SLC28A3: variants seen among roughly 807,000 people sequenced by gnomAD.
SLC28A3 encodes concentrative Na(+)-nucleoside cotransporter 3.
Under a neutral mutation model 84.2 loss-of-function variants are expected in SLC28A3, and 68 were observed. That is an observed-to-expected ratio of 0.81 (90% CI 0.66 to 0.99). SLC28A3 has a LOEUF of 0.99. SLC28A3 is among the 50% of genes least tolerant of loss of function. The pLI is 0.00. For missense variants in SLC28A3, 712 were observed against 841.5 expected (o/e 0.85, Z 1.90); for synonymous variants, 267 against 303.6 (o/e 0.88, Z 1.25).
intron 10 of SLC28A3, among the ~76,000 whole-genome samples, chr9:84,291,520 G>C (rs1825221974): frequency 6.6e-6 from 1 of 152,176 alleles, no homozygotes; most frequent in South Asian, 2.1e-4. Flanking sequence ...GTTTTTAGTA[G>C]AGACGGGGTT....
At chr9:84,320,722 G>A (rs886755280) in intron 1 of SLC28A3, among the ~76,000 whole-genome samples, 4 of 152,118 alleles carry the variant, frequency 2.6e-5, no homozygotes, top group Admixed American at 2.6e-4. Flanking sequence ...GGGCGCAGTG[G>A]CTCACACCTG....
intron 5 of SLC28A3, among the ~76,000 whole-genome samples, chr9:84,300,327 T>C (rs925120460): frequency 6.6e-6 from 1 of 152,190 alleles, no homozygotes; most frequent in African/African-American, 2.4e-5. Context: ...TCTGGTGATT[T>C]CTTTAAGAGA....
intron 1 of SLC28A3, among the ~76,000 whole-genome samples, chr9:84,339,101 T>G (rs1242869016): frequency 6.6e-6 from 1 of 152,072 alleles, no homozygotes; most frequent in Non-Finnish European, 1.5e-5. Flanking sequence ...CACCCCCACT[T>G]TATTGTCCCT....
At chr9:84,287,839 G>A (rs1226505633) in intron 12 of SLC28A3, among the ~76,000 whole-genome samples, 1 of 152,076 alleles carries the variant, frequency 6.6e-6, no homozygotes, top group Non-Finnish European at 1.5e-5. Flanking sequence ...GAGTGACAGA[G>A]CAACTTTAAA....
chr9:84,280,822 C>T lies in SLC28A3; in HGVS notation c.1708G>A (p.Gly570Arg). 6.2e-7 allele frequency: 1 copy of T among 1,614,032 alleles called. No homozygotes were observed. Among genetic ancestry groups the T allele is most frequent in the Non-Finnish European group, 8.5e-7 (1 of 1,179,992 alleles). Residue 570 changes from glycine to arginine, a missense_variant, in exon 15 of 18, where the codon GGA becomes AGA. Transcript: ENST00000376238. ...LCGFANIGSL[G>R]IVIGGLTSMA... is the part of the protein sequence containing the mutation. Reference sequence around the variant, plus strand: ...TTACTGAGTCCGCCGATCACGATTCCTAGGGACCCGATATTGGCAAAACCA... The same window carrying T: ...TTACTGAGTCCGCCGATCACGATTCTTAGGGACCCGATATTGGCAAAACCA...
chr9:84,295,016 T>TA (rs1239581700), intron 8 of SLC28A3, among the ~76,000 whole-genome samples: 1 of 152,060 alleles, frequency 6.6e-6, no homozygotes, highest in Non-Finnish European at 1.5e-5. Flanking sequence ...TTACAAACAG[T>TA]AGCGGTTCTC....
the SLC28A3 span, among the ~76,000 whole-genome samples, chr9:84,364,881 A>G: frequency 2.0e-5 from 3 of 152,200 alleles, no homozygotes; most frequent in African/African-American, 4.8e-5. Context: ...ATAGTATTCC[A>G]TTGTGTATAT....
At chr9:84,305,560 T>A (rs1403117843) in intron 3 of SLC28A3, among the ~76,000 whole-genome samples, 1 of 152,168 alleles carries the variant, frequency 6.6e-6, no homozygotes, top group Non-Finnish European at 1.5e-5. Context: ...ATTGAATAAG[T>A]GTGCCAAGCC....
At chr9:84,340,958 C>G (rs938161894), upstream of SLC28A3, among the ~76,000 whole-genome samples, 1 of 151,460 alleles carries the variant, frequency 6.6e-6, no homozygotes, top group Admixed American at 6.6e-5. Flanking sequence ...CAGAAAAGGA[C>G]ACTTTCTTTT....
At position 84,305,241 on chromosome 9, in the gene SLC28A3, CTT is replaced by C. The variant is rs11568399; in HGVS notation, c.334+11_334+12del. The stretch of plus-strand genomic sequence containing the variant: ...AAAAGACAGTGGTATCCCTAACCAT[CTT>C]TGTTATTTACCTGCTAATAAAATGC... On this transcript the variant is annotated intron_variant, in intron 4 of 17. Transcript: ENST00000376238. 3,258 of 1,563,312 alleles carry C rather than the reference CTT, an allele frequency of 2.1e-3. 63 individuals are homozygous for C. The East Asian group carries it at 0.048, about 23-fold the overall frequency.
intron 17 of SLC28A3, 93 bp downstream of exon 17, chr9:84,279,172 C>CAA (rs11309306): frequency 0.019 from 17,934 of 937,200 alleles, no homozygotes; most frequent in South Asian, 0.025. Flanking sequence ...GACTCCGTCT[C>CAA]AAAAAAAAAA....
At chr9:84,342,294 T>C (rs7854119), upstream of SLC28A3, among the ~76,000 whole-genome samples, 8,144 of 151,858 alleles carry the variant, frequency 0.054, 441 homozygotes, top group East Asian at 0.17. Context: ...ACTTTTATTA[T>C]TGTTAACCTA....
At chr9:84,360,351 A>T in the SLC28A3 span, among the ~76,000 whole-genome samples, 1 of 152,054 alleles carries the variant, frequency 6.6e-6, no homozygotes, top group Non-Finnish European at 1.5e-5. Context: ...AGATAGAGAG[A>T]CAGAGCCACT....
chr9:84,278,971 T>G (rs1824629542), intron 17 of SLC28A3, among the ~76,000 whole-genome samples: 1 of 151,966 alleles, frequency 6.6e-6, no homozygotes, highest in African/African-American at 2.4e-5. Context: ...CACAGCTGGG[T>G]GCATATTAAA....
chr9:84,306,994 CAAAAAAAAAAA>C (rs150442323), intron 3 of SLC28A3, among the ~76,000 whole-genome samples: 5 of 25,940 alleles, frequency 1.9e-4, no homozygotes, highest in Non-Finnish European at 3.5e-4. Flanking sequence ...CTTGTCTCTA[CAAAAAAAAAAA>C]AAAAAAAAAA....
At chr9:84,361,185 A>T in the SLC28A3 span, among the ~76,000 whole-genome samples, 3 of 152,132 alleles carry the variant, frequency 2.0e-5, no homozygotes, top group Non-Finnish European at 4.4e-5. Context: ...CTCTACTAAA[A>T]TACAAAAAAA....
rs541185956 is a variant in SLC28A3 at position 84,322,622 on chromosome 9, A to G, written c.61-9168T>C. Among the ~76,000 whole-genome samples, 139 of 152,186 alleles carry G rather than the reference A, an allele frequency of 9.1e-4. 2 individuals are homozygous for G. The highest frequency in any genetic ancestry group is 3.3e-3 in the African/African-American group (135 of 41,522). The stretch of plus-strand genomic sequence containing the variant: ...CACTTTGGGAGGCTGAGGTGGGAGG[A>G]TCATTTGAGGTCAGGAGTCCCAGAC... On this transcript the variant is annotated intron_variant, in intron 1 of 17. Coordinates refer to ENST00000376238, the MANE Select transcript of SLC28A3 (RefSeq NM_001199633.2).
At chr9:84,362,743 G>A in the SLC28A3 span, among the ~76,000 whole-genome samples, 25 of 152,112 alleles carry the variant, frequency 1.6e-4, no homozygotes, top group East Asian at 4.2e-3. Context: ...GCCATGGACC[G>A]CTTTGGCAGT....
chr9:84,323,876 T>C (rs1299371651), intron 1 of SLC28A3, among the ~76,000 whole-genome samples: 1 of 152,076 alleles, frequency 6.6e-6, no homozygotes, highest in Non-Finnish European at 1.5e-5. Context: ...ATGTCCTCCT[T>C]AATGAGAGGC....
Sources: allele counts gnomAD v4.1 joint callset (sites outside exome capture counted in the v4.1 genomes callset), GRCh38; gene constraint gnomAD v4.1.1; transcripts MANE v1.5; gene names NCBI Gene and HGNC (gene_info 2026-07-23, HGNC 2026-07-21).